STAG1: variants seen among roughly 807,000 people sequenced by gnomAD.
The protein encoded by STAG1 is cohesin subunit SA-1.
A neutral mutation model predicts 170.9 loss-of-function variants in STAG1; 26 were observed. The observed-to-expected ratio is 0.15, with a 90% CI of 0.11 to 0.21. The LOEUF is 0.21. Ranked by LOEUF, STAG1 falls within the 10% of genes least tolerant of loss-of-function variation. The probability of loss-of-function intolerance (pLI) is 1.00; values close to 1 mark genes in which losing one functional copy is unlikely to be tolerated. For missense variants in STAG1, 964 were observed against 1,509.5 expected (o/e 0.64, Z 5.99); for synonymous variants, 514 against 497.7 (o/e 1.03, Z -0.44).
chr3:136,569,721 A>G (rs979110323), intron 4 of STAG1, among the ~76,000 whole-genome samples: 5 of 152,114 alleles, frequency 3.3e-5, no homozygotes, highest in Non-Finnish European at 5.9e-5. Flanking sequence ...TAAATATACA[A>G]AATAACTTAA....
At chr3:136,462,282 G>A (rs1289126587) in intron 13 of STAG1, among the ~76,000 whole-genome samples, 2 of 152,122 alleles carry the variant, frequency 1.3e-5, no homozygotes, top group African/African-American at 4.8e-5. Flanking sequence ...GTGATACATG[G>A]AATCAACCTA....
intron 12 of STAG1, among the ~76,000 whole-genome samples, chr3:136,468,296 T>C (rs530876991): frequency 5.1e-4 from 77 of 151,964 alleles, no homozygotes; most frequent in African/African-American, 1.7e-3. Context: ...AAGAATCAAA[T>C]AGACGCAATA....
intron 1 of STAG1, among the ~76,000 whole-genome samples, chr3:136,712,145 G>A (rs1252254863): frequency 5.9e-5 from 9 of 152,202 alleles, no homozygotes; most frequent in Non-Finnish European, 2.9e-5. Context: ...AGCCTCCTGA[G>A]TAACTGGGAT....
At chr3:136,407,624 G>A (rs967136718) in intron 21 of STAG1, among the ~76,000 whole-genome samples, 1 of 151,842 alleles carries the variant, frequency 6.6e-6, no homozygotes, top group African/African-American at 2.4e-5. Flanking sequence ...ACCATGCCGA[G>A]CTAATTTTTG....
At chr3:136,532,665 A>AC (rs1372459893) in intron 6 of STAG1, among the ~76,000 whole-genome samples, 3 of 152,116 alleles carry the variant, frequency 2.0e-5, no homozygotes, top group African/African-American at 7.2e-5. Context: ...AAGGACAAAA[A>AC]CCCTATGATC....
rs371093379 is a variant in STAG1, at chr3:136,338,435, G to T, written c.3688C>A (p.Arg1230=). Residue 1230 remains arginine (R), a synonymous_variant, in exon 33 of 34, where the codon CGG becomes AGG. Transcript: ENST00000383202. The part of the protein sequence containing the change: ...MVIDLPPSRN[R]RERAELRPDF... ...GGCCTTAGCTCAGCTCTCTCTCGCCGATTTCTTGATGGAGGCTGGAAAGAG... is the reference window on the plus strand; with the variant it reads ...GGCCTTAGCTCAGCTCTCTCTCGCCTATTTCTTGATGGAGGCTGGAAAGAG... The T allele has an allele frequency of 6.8e-6, 11 of 1,613,582 alleles. No individual in the cohort carries two copies. Among genetic ancestry groups the T allele is most frequent in the Non-Finnish European group, 9.3e-6 (11 of 1,179,604 alleles).
rs541313170 is a variant in STAG1 at position 136,604,078 on chromosome 3, CTAG to C, written c.297+228_297+230del. Among the ~76,000 whole-genome samples the C allele has an allele frequency of 2.0e-3, 311 of 152,150 alleles. 3 individuals are homozygous for C. The highest frequency in any genetic ancestry group is 7.3e-3 in the African/African-American group (305 of 41,508). On this transcript the variant is annotated intron_variant, in intron 4 of 33. Coordinates refer to ENST00000383202, the MANE Select transcript of STAG1 (RefSeq NM_005862.3). ...CAATAAAAATTCTCTTGGGCAGCTT[CTAG>C]TAGACCTTTTTACTTAGAACAATTT...
chr3:136,583,509 G>C (rs1416365328), intron 4 of STAG1, among the ~76,000 whole-genome samples: 4 of 152,052 alleles, frequency 2.6e-5, no homozygotes, highest in African/African-American at 9.7e-5. Flanking sequence ...CCTAATAAGG[G>C]CCGGTGCAGT....
intron 3 of STAG1, among the ~76,000 whole-genome samples, chr3:136,607,605 G>T (rs1939029301): frequency 6.6e-6 from 1 of 152,166 alleles, no homozygotes; most frequent in Non-Finnish European, 1.5e-5. Context: ...GTTTCACCAT[G>T]TTGGCCAGGC....
At chr3:136,582,231 CA>C (rs1179791004) in intron 4 of STAG1, among the ~76,000 whole-genome samples, 2 of 151,640 alleles carry the variant, frequency 1.3e-5, no homozygotes, top group African/African-American at 2.4e-5. Flanking sequence ...GGGGGGTTAA[CA>C]AAGAAACACA....
intron 3 of STAG1, among the ~76,000 whole-genome samples, chr3:136,606,508 C>T (rs1041307399): frequency 1.3e-5 from 2 of 152,122 alleles, no homozygotes; most frequent in African/African-American, 4.8e-5. Flanking sequence ...TACTTCTTGC[C>T]TAATGACCTT....
At chr3:136,572,945 G>T (rs1223817283) in intron 4 of STAG1, among the ~76,000 whole-genome samples, 1 of 152,218 alleles carries the variant, frequency 6.6e-6, no homozygotes, top group African/African-American at 2.4e-5. Flanking sequence ...GGAGGCCAAT[G>T]CGGAAGGACC....
intron 2 of STAG1, among the ~76,000 whole-genome samples, chr3:136,629,286 G>C (rs1295961333): frequency 6.6e-6 from 1 of 152,080 alleles, no homozygotes; most frequent in African/African-American, 2.4e-5. Context: ...TAGGAGATGG[G>C]TCAGAAAAAA....
At chr3:136,474,258 A>T (rs2089691801) in intron 10 of STAG1, among the ~76,000 whole-genome samples, 1 of 152,224 alleles carries the variant, frequency 6.6e-6, no homozygotes. Context: ...CAAGTCTCTC[A>T]AAAGATTTAA....
At position 136,604,369 on chromosome 3, in the gene STAG1, A is replaced by G; in HGVS notation, c.237T>C (p.Asn79=). The part of the protein sequence containing the change: ...RGRANGHPQQ[N]GEGEPVTLFE... ...ATAATGTGACAGGCTCCCCTTCCCC[A>G]TTCTGTTGAGGGTGTCCATTAGCTC... The change falls in exon 4 of 34, where the codon AAT becomes AAC. Residue 79 remains asparagine (N), a synonymous_variant. Coordinates refer to ENST00000383202, the MANE Select transcript of STAG1 (RefSeq NM_005862.3). 3 of 1,613,656 alleles carry G rather than the reference A, an allele frequency of 1.9e-6. No individual in the cohort carries two copies. Among genetic ancestry groups the G allele is most frequent in the Non-Finnish European group, 2.5e-6 (3 of 1,179,834 alleles).
chr3:136,647,134 T>A (rs184090930), intron 1 of STAG1, among the ~76,000 whole-genome samples: 157 of 152,250 alleles, frequency 1.0e-3, no homozygotes, highest in African/African-American at 2.4e-3. Flanking sequence ...CCTATTTTTT[T>A]AAAAATAAAT....
intron 1 of STAG1, among the ~76,000 whole-genome samples, chr3:136,715,325 A>G (rs1232561616): frequency 1.3e-5 from 2 of 151,644 alleles, no homozygotes; most frequent in East Asian, 4.0e-4. Flanking sequence ...GTTTGTGTTT[A>G]TAATAATTAT....
chr3:136,490,324 G>A (rs1298422199), intron 9 of STAG1, among the ~76,000 whole-genome samples: 1 of 152,198 alleles, frequency 6.6e-6, no homozygotes, highest in South Asian at 2.1e-4. Context: ...TACCGCACCC[G>A]ACTGCTAAGA....
At chr3:136,449,378 T>C (rs1284184633) in intron 14 of STAG1, among the ~76,000 whole-genome samples, 1 of 152,074 alleles carries the variant, frequency 6.6e-6, no homozygotes, top group Non-Finnish European at 1.5e-5. Context: ...CAGACTAACA[T>C]GGTGAAACCC....
Sources: gnomAD v4.1 joint callset for allele counts (sites outside exome capture counted in the v4.1 genomes callset) on GRCh38, gnomAD v4.1.1 for gene constraint, MANE v1.5 for transcripts, NCBI Gene and HGNC (gene_info 2026-07-23, HGNC 2026-07-21) for gene names.